Variants in CFHR3 observed in about 807,000 individuals in gnomAD.
CFHR3 encodes complement factor H related 3.
Under a neutral mutation model 36.0 loss-of-function variants are expected in CFHR3, and 22 were observed. The ratio of observed to expected loss-of-function variants is 0.61; its 90% confidence interval spans 0.44 to 0.87. CFHR3 has a LOEUF of 0.87. Ranked by LOEUF, CFHR3 falls within the 40% of genes least tolerant of loss-of-function variation. The pLI is 0.00. For missense variants in CFHR3, 276 were observed against 401.3 expected, an observed-to-expected ratio of 0.69 and a Z score of 2.67; for synonymous variants, 97 against 137.4, an observed-to-expected ratio of 0.71 and a Z score of 2.06.
chr1:196,777,284 A>G (rs1451497269), intron 1 of CFHR3, among the ~76,000 whole-genome samples: 1 of 137,390 alleles, frequency 7.3e-6, no homozygotes. Flanking sequence ...TTTAATCATG[A>G]ATATCCTTTC....
At chr1:196,781,705 C>T (rs1490242219) in intron 3 of CFHR3, among the ~76,000 whole-genome samples, 5 of 134,538 alleles carry the variant, frequency 3.7e-5, no homozygotes, top group Non-Finnish European at 6.2e-5. Context: ...GATATTAGCC[C>T]TTTGTCAGAT....
chr1:196,786,881 C>A (rs1654228036), intron 3 of CFHR3, among the ~76,000 whole-genome samples: 1 of 137,442 alleles, frequency 7.3e-6, no homozygotes, highest in Non-Finnish European at 1.5e-5. Flanking sequence ...ATGCAGAAAT[C>A]ACCCGTCTTC....
At chr1:196,785,317 G>A (rs9661568) in intron 3 of CFHR3, among the ~76,000 whole-genome samples, 32,568 of 126,750 alleles carry the variant, frequency 0.26, 7,936 homozygotes, top group East Asian at 0.5. Flanking sequence ...TCTTTGTGGC[G>A]TTCTCTGTAT....
rs1371030350 is a variant in CFHR3, at chr1:196,779,282, A to G, written c.179A>G (p.Glu60Gly). 1 of 1,529,410 alleles carries G rather than the reference A, an allele frequency of 6.5e-7. No individual in the cohort carries two copies. Among genetic ancestry groups the G allele is most frequent in the East Asian group, 2.2e-5 (1 of 44,602 alleles). 94.7% of individuals were successfully genotyped at this position (1,529,410 alleles called of 1,614,324 possible). The change falls in exon 2 of 6, where the codon GAG becomes GGG. Residue 60 changes from glutamate (E) to glycine (G), a missense_variant. By Grantham distance (98) the Glu-to-Gly change is moderately conservative. Transcript: ENST00000367425. Reference sequence around the variant, plus strand: ...TCCTATTACTGTGATGAACATTTTGAGACTCCTTCAGGAAGTTACTGGGAT... The same window carrying G: ...TCCTATTACTGTGATGAACATTTTGGGACTCCTTCAGGAAGTTACTGGGAT... ...YYSYYCDEHF[E>G]TPSGSYWDYI...
In CFHR3 at chr1:196,787,935, G is replaced by A. The variant is rs573991580; in HGVS notation, c.431-281G>A. On this transcript the variant is annotated intron_variant, in intron 3 of 5. Transcript: ENST00000367425. ...TTCCAAAATTTCATTAGGGACTGGA[G>A]AGTCTCCTAGATCTGCACTCCTCAA... Among the ~76,000 whole-genome samples, 11 of 136,716 alleles carry A rather than the reference G, an allele frequency of 8.0e-5. 1 individual carries two copies. Among genetic ancestry groups the A allele is most frequent in the African/African-American group, 2.4e-4 (8 of 32,692 alleles). The allele number at this position is 136,716 out of a possible 152,430, so 89.7% of individuals were successfully genotyped here.
rs1409594695 is a variant in CFHR3 at position 196,785,202 on chromosome 1, G to A, written c.431-3014G>A. Among the ~76,000 whole-genome samples, 5 of 136,122 alleles carry A rather than the reference G, an allele frequency of 3.7e-5. 1 individual carries two copies. Among genetic ancestry groups the A allele is most frequent in the Non-Finnish European group, 7.8e-5 (5 of 64,288 alleles). The allele number at this position is 136,122 out of a possible 152,430, so 89.3% of individuals were successfully genotyped here. On this transcript the variant is annotated intron_variant, in intron 3 of 5. Coordinates refer to ENST00000367425, the MANE Select transcript of CFHR3 (RefSeq NM_021023.6). The stretch of plus-strand genomic sequence containing the variant: ...TTAGTCTGATGGGCTTCCCTTTGTG[G>A]GTAACCCGACCTTTCTCTCTGGCTG...
In CFHR3 at chr1:196,779,248, A is replaced by C; in HGVS notation, c.145A>C (p.Lys49Gln). 1 of 1,526,744 alleles carries C rather than the reference A, an allele frequency of 6.5e-7. No homozygotes were observed. The highest frequency in any genetic ancestry group is 8.9e-7 in the Non-Finnish European group (1 of 1,127,376). The allele number at this position is 1,526,744 out of a possible 1,614,324, so 94.6% of individuals were successfully genotyped here. The change falls in exon 2 of 6, where the codon AAA (lysine) becomes CAA (glutamine). Residue 49 changes from lysine to glutamine, a missense_variant. Transcript: ENST00000367425. ...RRPYFPVAVG[K>Q]YYSYYCDEHF... ...ACCATACTTTCCAGTAGCTGTAGGA[A>C]AATATTACTCCTATTACTGTGATGA...
intron 3 of CFHR3, among the ~76,000 whole-genome samples, chr1:196,786,824 A>G (rs1323652355): frequency 7.3e-6 from 1 of 136,584 alleles, no homozygotes; most frequent in Non-Finnish European, 1.6e-5. Flanking sequence ...TCCTGCACCC[A>G]CTGTCTGGCA....
chr1:196,781,065 C>T (rs1254751341), intron 3 of CFHR3, among the ~76,000 whole-genome samples: 3 of 127,780 alleles, frequency 2.3e-5, no homozygotes, highest in Non-Finnish European at 4.8e-5. Context: ...GGTGTTTTGT[C>T]CTTGTGATAG....
rs73073574 is a variant in CFHR3 at position 196,775,812 on chromosome 1, T to C, written c.58+868T>C. Reference sequence around the variant, plus strand: ...TTTTGTAATTATCCAAAACTTCATATTTCAGCCAATGTAATGGAGGGTAAT... The same window carrying C: ...TTTTGTAATTATCCAAAACTTCATACTTCAGCCAATGTAATGGAGGGTAAT... On this transcript the variant is annotated intron_variant, in intron 1 of 5. Coordinates refer to ENST00000367425, the MANE Select transcript of CFHR3 (RefSeq NM_021023.6). 9.9e-3 allele frequency among the ~76,000 whole-genome samples: 1,359 copies of C among 137,218 alleles called. 348 individuals carry two copies. Among genetic ancestry groups the C allele is most frequent in the African/African-American group, 0.039 (1,278 of 33,056 alleles). 90.0% of individuals were successfully genotyped at this position (137,218 alleles called of 152,430 possible). A position where few individuals can be genotyped will look rare whatever the true frequency, so the allele number is the denominator to read the frequency against.
Position 196,783,343 on chromosome 1 carries a change from T to C in CFHR3, c.430+3370T>C, listed in dbSNP as rs1654043633. 2.2e-5 allele frequency among the ~76,000 whole-genome samples: 3 copies of C among 135,218 alleles called. 1 individual carries two copies. Among genetic ancestry groups the C allele is most frequent in the African/African-American group, 9.4e-5 (3 of 31,760 alleles). The allele number at this position is 135,218 out of a possible 152,430, so 88.7% of individuals were successfully genotyped here. ...AAAATGAGTTAGGGAGGATTCCCTC[T>C]TTTTCTATTGATTGGAATAGTTTCA... On this transcript the variant is annotated intron_variant, in intron 3 of 5. Coordinates refer to ENST00000367425, the MANE Select transcript of CFHR3 (RefSeq NM_021023.6).
rs186312641 is a variant in CFHR3, at chr1:196,786,130, C to T, written c.431-2086C>T. Among the ~76,000 whole-genome samples the T allele has an allele frequency of 5.3e-3, 720 of 136,304 alleles. 182 individuals carry two copies. Among genetic ancestry groups the T allele is most frequent in the African/African-American group, 0.021 (690 of 32,444 alleles). 89.4% of individuals were successfully genotyped at this position (136,304 alleles called of 152,430 possible). A position where few individuals can be genotyped will look rare whatever the true frequency, so the allele number is the denominator to read the frequency against. ...TGCAGAACAGCGGATTTTCATGAAC[C>T]GCGAATGCTGCTGTATGATGGTTCC... is the stretch of plus-strand genomic sequence containing the variant. On this transcript the variant is annotated intron_variant, in intron 3 of 5. Coordinates refer to ENST00000367425, the MANE Select transcript of CFHR3 (RefSeq NM_021023.6).
At position 196,793,035 on chromosome 1, in the gene CFHR3, A is replaced by T. The variant is rs181209129; in HGVS notation, c.797-282A>T. On this transcript the variant is annotated intron_variant, in intron 5 of 5. Transcript: ENST00000367425. ...TTTTGATATGAAGTCACTAGGGTGG[A>T]CACAACATATTTTAGGAAAGAAGAG... Among the ~76,000 whole-genome samples, 92 of 135,376 alleles carry T rather than the reference A, an allele frequency of 6.8e-4. 6 individuals carry two copies. In the East Asian group the frequency reaches 0.017, roughly 25 times the overall value. 88.8% of individuals were successfully genotyped at this position (135,376 alleles called of 152,430 possible).
chr1:196,786,292 A>G (rs1484881047), intron 3 of CFHR3, among the ~76,000 whole-genome samples: 3 of 135,274 alleles, frequency 2.2e-5, no homozygotes, highest in East Asian at 3.9e-4. Flanking sequence ...CCGTTCTCAG[A>G]TCTCCAGCTG....
Position 196,779,297 on chromosome 1 carries a change from G to A in CFHR3, c.194G>A (p.Ser65Asn). 1 of 1,529,866 alleles carries A rather than the reference G, an allele frequency of 6.5e-7. No individual in the cohort carries two copies. The highest frequency in any genetic ancestry group is 8.8e-7 in the Non-Finnish European group (1 of 1,130,466). The allele number at this position is 1,529,866 out of a possible 1,614,324, so 94.8% of individuals were successfully genotyped here. The change falls in exon 2 of 6, where the codon AGT (serine) becomes AAT (asparagine). Residue 65 changes from serine (S) to asparagine (N), a missense_variant. Around this residue, in one of 3 missense-constraint regions of CFHR3, gnomAD observed 178 missense variants for 247.2 expected, o/e 0.72. Coordinates refer to ENST00000367425, the MANE Select transcript of CFHR3 (RefSeq NM_021023.6). ...CDEHFETPSG[S>N]YWDYIHCTQN... The stretch of plus-strand genomic sequence containing the variant: ...GAACATTTTGAGACTCCTTCAGGAA[G>A]TTACTGGGATTACATTCATTGCACA...
intron 1 of CFHR3, among the ~76,000 whole-genome samples, chr1:196,776,525 G>A (rs2124836940): frequency 7.3e-6 from 1 of 136,702 alleles, no homozygotes; most frequent in South Asian, 2.5e-4. Context: ...TGATTCAGGT[G>A]GGTCCTACTC....
chr1:196,789,341 A>G lies in CFHR3; in HGVS notation c.614-704A>G. 1.1e-5 allele frequency: 10 copies of G among 895,576 alleles called. 1 individual carries two copies. Among genetic ancestry groups the G allele is most frequent in the Non-Finnish European group, 1.3e-5 (10 of 757,070 alleles). The allele number at this position is 895,576 out of a possible 1,614,324, so 55.5% of individuals were successfully genotyped here. Reference sequence around the variant, plus strand: ...CTTACAAAGTGATTATCTCAATGTTATCATGAGTTTTGGGGGTTATATGAA... The same window carrying G: ...CTTACAAAGTGATTATCTCAATGTTGTCATGAGTTTTGGGGGTTATATGAA... On this transcript the variant is annotated intron_variant, in intron 4 of 5. Transcript: ENST00000367425.
Position 196,794,349 on chromosome 1 carries a change from GC to G in CFHR3, c.*837del, listed in dbSNP as rs1654522099. Among the ~76,000 whole-genome samples the G allele has an allele frequency of 7.3e-6, 1 of 136,628 alleles. No individual in the cohort carries two copies. Among genetic ancestry groups the G allele is most frequent in the Non-Finnish European group, 1.6e-5 (1 of 64,458 alleles). The allele number at this position is 136,628 out of a possible 152,430, so 89.6% of individuals were successfully genotyped here. A position where few individuals can be genotyped will look rare whatever the true frequency, so the allele number is the denominator to read the frequency against. ...ATGATGGCGTGCACCTGTAGTCCCA[GC>G]TACTCAGGAGGCTGAGGTGGGAGAA... is the stretch of plus-strand genomic sequence containing the variant. On this transcript the variant is annotated 3_prime_UTR_variant, in exon 6 of 6. Coordinates refer to ENST00000367425, the MANE Select transcript of CFHR3 (RefSeq NM_021023.6).
At chr1:196,789,395 A>G in intron 4 of CFHR3, 2 of 896,552 alleles carry the variant, frequency 2.2e-6, no homozygotes, top group Non-Finnish European at 2.6e-6. Context: ...ACTGTTTTCA[A>G]TTTCTATACT....
Sources: gnomAD v4.1 joint callset for allele counts (sites outside exome capture counted in the v4.1 genomes callset) on GRCh38, gnomAD v4.1.1 for gene constraint, gnomAD v4.1.1 regional missense constraint, MANE v1.5 for transcripts, NCBI Gene and HGNC (gene_info 2026-07-23, HGNC 2026-07-21) for gene names.